WDR31: variants seen among roughly 807,000 people sequenced by gnomAD.
The protein encoded by WDR31 is WD repeat-containing protein 31.
Under a neutral mutation model 47.3 loss-of-function variants are expected in WDR31, and 30 were observed. The ratio of observed to expected loss-of-function variants is 0.63; its 90% confidence interval spans 0.47 to 0.86. The LOEUF is 0.86. Among genes scored for constraint, WDR31 ranks in the 40% least tolerant of loss-of-function variants. The probability of loss-of-function intolerance (pLI) is 0.00; values close to 1 mark genes in which losing one functional copy is unlikely to be tolerated. For missense variants in WDR31, 406 were observed against 442.9 expected, an observed-to-expected ratio of 0.92 and a Z score of 0.75; for synonymous variants, 137 against 159.4, an observed-to-expected ratio of 0.86 and a Z score of 1.06.
chr9:113,324,282 C>A (rs925174028), intron 5 of WDR31, among the ~76,000 whole-genome samples: 1 of 152,088 alleles, frequency 6.6e-6, no homozygotes, highest in Non-Finnish European at 1.5e-5. Flanking sequence ...TTCTAGGTAC[C>A]TCAAATAAGC....
At chr9:113,335,435 T>G (rs1006964422) in intron 2 of WDR31, among the ~76,000 whole-genome samples, 1 of 152,210 alleles carries the variant, frequency 6.6e-6, no homozygotes, top group Non-Finnish European at 1.5e-5. Flanking sequence ...CAGTCCCCAT[T>G]TCTTCTGAGG....
At chr9:113,324,389 C>CTTTTTTTTTTTTTT (rs536508042) in intron 5 of WDR31, among the ~76,000 whole-genome samples, 2 of 129,130 alleles carry the variant, frequency 1.5e-5, no homozygotes, top group African/African-American at 6.0e-5. Context: ...AATTTCATTC[C>CTTTTTTTTTTTTTT]TTTTTTTTTT....
intron 1 of WDR31, among the ~76,000 whole-genome samples, chr9:113,338,845 C>T (rs1275681385): frequency 2.0e-5 from 3 of 152,198 alleles, no homozygotes; most frequent in Non-Finnish European, 4.4e-5. Flanking sequence ...CTCGAACTCC[C>T]GATCTCAGTT....
Position 113,316,510 on chromosome 9 carries a change from C to G in WDR31, c.*239G>C, listed in dbSNP as rs1258146416. The G allele has an allele frequency of 7.0e-6, 3 of 431,590 alleles. No homozygotes were observed. In the East Asian group the frequency reaches 1.0e-4, roughly 15 times the overall value. The allele number at this position is 431,590 out of a possible 1,614,324, so 26.7% of individuals were successfully genotyped here. On this transcript the variant is annotated 3_prime_UTR_variant, in exon 11 of 11. Coordinates refer to ENST00000374193, the MANE Select transcript of WDR31 (RefSeq NM_001012361.4). ...GTCCTAAAAGCTCACTAAAAAGTTGCATTTGTATTTAACTTAAATAGAGAA... is the reference window on the plus strand; with the variant it reads ...GTCCTAAAAGCTCACTAAAAAGTTGGATTTGTATTTAACTTAAATAGAGAA...
At chr9:113,334,235 T>C (rs1347473075) in intron 2 of WDR31, among the ~76,000 whole-genome samples, 1 of 152,148 alleles carries the variant, frequency 6.6e-6, no homozygotes, top group African/African-American at 2.4e-5. Flanking sequence ...TCCACGTGCC[T>C]TGGCCTCCCA....
In WDR31 at chr9:113,331,953, T is replaced by A. The variant is rs1166537725; in HGVS notation, c.70A>T (p.Met24Leu). Residue 24 changes from methionine (M) to leucine (L), a missense_variant, in exon 3 of 11, where the codon ATG becomes TTG. Met to Leu is a conservative substitution (Grantham distance 15). Coordinates refer to ENST00000374193, the MANE Select transcript of WDR31 (RefSeq NM_001012361.4). ...TTGAGTTTGCTTTGCTGTTTCCCCA[T>A]CACGACACAAAACCTAAACGAAACC... ...QKVSFRFCVVMGKQQSKLKHS... is the reference protein window; with the variant it reads ...QKVSFRFCVVLGKQQSKLKHS... The A allele has an allele frequency of 2.5e-6, 4 of 1,613,856 alleles. No individual in the cohort carries two copies. Among genetic ancestry groups the A allele is most frequent in the Non-Finnish European group, 2.5e-6 (3 of 1,179,872 alleles).
intron 5 of WDR31, among the ~76,000 whole-genome samples, chr9:113,327,016 T>G (rs1003530059): frequency 2.6e-5 from 4 of 151,942 alleles, no homozygotes; most frequent in Non-Finnish European, 4.4e-5. Flanking sequence ...TTTAATTTTT[T>G]GTGGAGATGG....
Position 113,313,739 on chromosome 9 carries a change from T to C in WDR31, c.*3010A>G, listed in dbSNP as rs1314892453. The C allele has an allele frequency of 6.6e-6, 1 of 152,180 alleles. No homozygotes were observed. The highest frequency in any genetic ancestry group is 1.9e-4 in the East Asian group (1 of 5,194). 9.4% of individuals were successfully genotyped at this position (152,180 alleles called of 1,614,324 possible). A position where few individuals can be genotyped will look rare whatever the true frequency, so the allele number is the denominator to read the frequency against. On this transcript the variant is annotated 3_prime_UTR_variant, in exon 11 of 11. Coordinates refer to ENST00000374193, the MANE Select transcript of WDR31 (RefSeq NM_001012361.4). ...GGAATAACAAATGAGAATAAATATA[T>C]TTAGCCCTCTGTAGATGCTCAGTGA...
At position 113,313,859 on chromosome 9, in the gene WDR31, G is replaced by C. The variant is rs2118745302; in HGVS notation, c.*2890C>G. On this transcript the variant is annotated 3_prime_UTR_variant, in exon 11 of 11. Coordinates refer to ENST00000374193, the MANE Select transcript of WDR31 (RefSeq NM_001012361.4). ...GAGTGAAACGATGACTAAAGGTTTA[G>C]AGGATAAGATCTAAGAATGGATGAA... 1 of 152,260 alleles carries C rather than the reference G, an allele frequency of 6.6e-6. No homozygotes were observed. The highest frequency in any genetic ancestry group is 3.4e-3 in the Middle Eastern group (1 of 294). 9.4% of individuals were successfully genotyped at this position (152,260 alleles called of 1,614,324 possible). A position where few individuals can be genotyped will look rare whatever the true frequency, so the allele number is the denominator to read the frequency against.
At chr9:113,332,111 G>T in intron 2 of WDR31, 61 bp from the exon 3 acceptor site, 1 of 1,194,994 alleles carries the variant, frequency 8.4e-7, no homozygotes, top group Non-Finnish European at 1.2e-6. Flanking sequence ...GTATGATGTT[G>T]AAAATAAATC....
At chr9:113,337,294 CTA>C (rs1055211392) in intron 1 of WDR31, among the ~76,000 whole-genome samples, 3 of 151,892 alleles carry the variant, frequency 2.0e-5, no homozygotes, top group African/African-American at 7.3e-5. Context: ...AGGAACTGCT[CTA>C]TGTTTTATAT....
chr9:113,333,527 G>A (rs1391545384), intron 2 of WDR31, among the ~76,000 whole-genome samples: 2 of 150,926 alleles, frequency 1.3e-5, no homozygotes, highest in Admixed American at 1.3e-4. Context: ...GACTACAGGC[G>A]CCCGCCACCG....
chr9:113,318,545 C>T lies in WDR31; in HGVS notation c.873G>A (p.Leu291=), dbSNP rs373128970. 68 of 1,614,038 alleles carry T rather than the reference C, an allele frequency of 4.2e-5. No individual in the cohort carries two copies. Among genetic ancestry groups the T allele is most frequent in the Non-Finnish European group, 5.3e-5 (63 of 1,180,028 alleles). ...AGGTAGCAATTAAAGGCATCAAGGC[C>T]AATGCTCTTGGTAGAAAGACGCAGG... The part of the protein sequence containing the change: ...VASCVFLPRA[L]ALMPLIATSS... The change falls in exon 10 of 11, where the codon TTG becomes TTA. Residue 291 remains leucine (L), a synonymous_variant. Coordinates refer to ENST00000374193, the MANE Select transcript of WDR31 (RefSeq NM_001012361.4).
At chr9:113,333,943 CTCTCCTCCTTCTTCCTTCTTCCT>C (rs530039227) in intron 2 of WDR31, among the ~76,000 whole-genome samples, 40 of 151,622 alleles carry the variant, frequency 2.6e-4, no homozygotes, top group African/African-American at 9.4e-4. Context: ...CTCTCCTTTT[CTCTCCTCCTTCTTCCTTCTTCCT>C]TCTCCTCCTT....
At chr9:113,337,953 C>T (rs1458554944) in intron 1 of WDR31, among the ~76,000 whole-genome samples, 1 of 152,208 alleles carries the variant, frequency 6.6e-6, no homozygotes, top group East Asian at 1.9e-4. Context: ...AAATAGTTTG[C>T]TCAAGTTTAT....
In WDR31 at chr9:113,338,617, ATT is replaced by A. The variant is rs35905911; in HGVS notation, c.-182+1598_-182+1599del. On this transcript the variant is annotated intron_variant, in intron 1 of 10. Transcript: ENST00000374193. The stretch of plus-strand genomic sequence containing the variant: ...TGAAGAGTCGGCTTGGTGGTACGCT[ATT>A]TTTTTTTTTTTTTTCTGAGATGGAG... Among the ~76,000 whole-genome samples, 221 of 139,010 alleles carry A rather than the reference ATT, an allele frequency of 1.6e-3. 1 individual carries two copies. The highest frequency in any genetic ancestry group is 2.8e-3 in the Admixed American group (39 of 13,810). The allele number at this position is 139,010 out of a possible 152,430, so 91.2% of individuals were successfully genotyped here.
chr9:113,319,889 C>T (rs368679789), intron 9 of WDR31, among the ~76,000 whole-genome samples: 28 of 152,222 alleles, frequency 1.8e-4, no homozygotes, highest in African/African-American at 6.0e-4. Flanking sequence ...TCTTGACTCT[C>T]ATCCCATTCC....
At chr9:113,330,344 G>A (rs960968385) in intron 4 of WDR31, among the ~76,000 whole-genome samples, 5 of 152,132 alleles carry the variant, frequency 3.3e-5, no homozygotes, top group South Asian at 2.1e-4. Flanking sequence ...CAAGTGATCC[G>A]CCTGCCTTGG....
intron 5 of WDR31, among the ~76,000 whole-genome samples, chr9:113,324,934 T>G (rs1833427956): frequency 6.6e-6 from 1 of 151,814 alleles, no homozygotes; most frequent in African/African-American, 2.4e-5. Flanking sequence ...TGTTTTGCAT[T>G]AGATATGTCT....
Sources: gnomAD v4.1 joint callset for allele counts (sites outside exome capture counted in the v4.1 genomes callset) on GRCh38, gnomAD v4.1.1 for gene constraint, MANE v1.5 for transcripts, NCBI Gene and HGNC (gene_info 2026-07-23, HGNC 2026-07-21) for gene names.